Variants in ENTPD6 observed in about 807,000 individuals in gnomAD.
ENTPD6 encodes the protein CD39 antigen-like 2.
ENTPD6 carries 46 observed loss-of-function variants against 61.5 expected under a neutral mutation model. That is an observed-to-expected ratio of 0.75 (90% CI 0.59 to 0.96). The LOEUF (loss-of-function observed/expected upper bound fraction) is 0.96, where lower values mean the gene tolerates loss of function less well. Among genes scored for constraint, ENTPD6 ranks in the 40% least tolerant of loss-of-function variants. The pLI is 0.00. For synonymous variants in ENTPD6, 252 were observed against 255.5 expected, an observed-to-expected ratio of 0.99 and a Z score of 0.13; for missense variants, 612 against 629.0, an observed-to-expected ratio of 0.97 and a Z score of 0.29.
rs2092220504 is a variant in ENTPD6 at position 25,214,816 on chromosome 20, T to C, written c.598-51T>C. On this transcript the variant is annotated intron_variant, in intron 5 of 14. Coordinates refer to ENST00000376652, the MANE Select transcript of ENTPD6 (RefSeq NM_001247.5). ...AGCTAGCTAGCTAAATAAATAAATA[T>C]ATTCATTCATTCATTCTAAAGGATG... The C allele has an allele frequency of 3.7e-6, 4 of 1,092,870 alleles. No individual in the cohort carries two copies. The East Asian group carries it at 9.5e-5, about 26-fold the overall frequency. The allele number at this position is 1,092,870 out of a possible 1,614,324, so 67.7% of individuals were successfully genotyped here. A position where few individuals can be genotyped will look rare whatever the true frequency, so the allele number is the denominator to read the frequency against.
intron 12 of ENTPD6, 60 bp downstream of exon 12, chr20:25,223,038 G>T: frequency 6.5e-7 from 1 of 1,539,874 alleles, no homozygotes. Context: ...GGGGGTGGAG[G>T]GCGTGTGCTC....
chr20:25,220,124 G>A (rs1248520587), intron 10 of ENTPD6, among the ~76,000 whole-genome samples: 1 of 152,128 alleles, frequency 6.6e-6, no homozygotes, highest in African/African-American at 2.4e-5. Context: ...AGACATTTGG[G>A]GGCTGTGAGG....
Position 25,218,025 on chromosome 20 carries a change from T to C in ENTPD6, c.878+444T>C, listed in dbSNP as rs578143858. 2.3e-4 allele frequency among the ~76,000 whole-genome samples: 34 copies of C among 145,206 alleles called. No individual in the cohort carries two copies. In the East Asian group the frequency reaches 3.6e-3, roughly 15 times the overall value. ...TCCTCCTCCTTCATCCTTTAATGTG[T>C]CTACAGTATACGCACATTCACCCAG... is the stretch of plus-strand genomic sequence containing the variant. On this transcript the variant is annotated intron_variant, in intron 9 of 14. Transcript: ENST00000376652.
intron 8 of ENTPD6, 28 bp downstream of exon 8, chr20:25,216,764 C>T: frequency 6.6e-7 from 1 of 1,519,544 alleles, no homozygotes; most frequent in Non-Finnish European, 8.9e-7. Flanking sequence ...CCACAGCGCT[C>T]TTTCCACCCC....
intron 5 of ENTPD6, chr20:25,214,574 C>G (rs1568629660): frequency 5.6e-6 from 2 of 354,820 alleles, no homozygotes; most frequent in African/African-American, 4.2e-5. Context: ...GGTGGATTAA[C>G]TTGCAATGGA....
chr20:25,209,987 C>T (rs903187943), intron 4 of ENTPD6, 62 bp downstream of exon 4: 2 of 1,404,318 alleles, frequency 1.4e-6, no homozygotes, highest in African/African-American at 2.8e-5. Flanking sequence ...CAGTTCTTTT[C>T]CTTTGAATGT....
chr20:25,201,324 C>A (rs989139481), intron 1 of ENTPD6, among the ~76,000 whole-genome samples: 2 of 151,814 alleles, frequency 1.3e-5, no homozygotes, highest in African/African-American at 4.8e-5. Context: ...TCTAATTTTT[C>A]TGTCCATTAT....
At chr20:25,196,564 G>T (rs2090442303) in intron 1 of ENTPD6, among the ~76,000 whole-genome samples, 1 of 152,174 alleles carries the variant, frequency 6.6e-6, no homozygotes, top group South Asian at 2.1e-4. Flanking sequence ...GGAAGCAGCC[G>T]CCGGGAAGTG....
Position 25,225,591 on chromosome 20 carries a change from C to T in ENTPD6, c.1449C>T (p.Ala483=). ...IDSLNRQKSP[A]S ...CCCTGAACAGACAGAAGAGTCCAGC[C>T]TCATAGTGGCCGAGCCATCCCTGTC... Residue 483 remains alanine, a synonymous_variant, in exon 15 of 15, where the codon GCC becomes GCT. Coordinates refer to ENST00000376652, the MANE Select transcript of ENTPD6 (RefSeq NM_001247.5). 1 of 1,613,588 alleles carries T rather than the reference C, an allele frequency of 6.2e-7. No homozygotes were observed. The highest frequency in any genetic ancestry group is 8.5e-7 in the Non-Finnish European group (1 of 1,179,596).
intron 10 of ENTPD6, 133 bp downstream of exon 10, chr20:25,218,747 C>CT: frequency 1.1e-6 from 1 of 902,144 alleles, no homozygotes; most frequent in Non-Finnish European, 1.6e-6. Context: ...CACCCCACTG[C>CT]TGTCCCGCTG....
chr20:25,208,882 A>G (rs964616097), intron 3 of ENTPD6, among the ~76,000 whole-genome samples: 2 of 152,126 alleles, frequency 1.3e-5, no homozygotes, highest in Non-Finnish European at 2.9e-5. Flanking sequence ...TTGTGTGTAA[A>G]TTATCTTCAG....
intron 3 of ENTPD6, 25 bp downstream of exon 3, chr20:25,207,422 C>T (rs1245753294): frequency 2.0e-6 from 3 of 1,508,310 alleles, no homozygotes; most frequent in East Asian, 2.3e-5. Context: ...TGGCAGGGCT[C>T]TCGGGATCTC....
At chr20:25,217,306 T>C (rs561399708) in intron 8 of ENTPD6, among the ~76,000 whole-genome samples, 196 bp from the exon 9 acceptor site, 1 of 152,154 alleles carries the variant, frequency 6.6e-6, no homozygotes, top group Non-Finnish European at 1.5e-5. Context: ...AGGTTGCCTG[T>C]GGGAACGAAG....
At chr20:25,221,838 T>G in intron 11 of ENTPD6, 1 of 241,670 alleles carries the variant, frequency 4.1e-6, no homozygotes, top group Non-Finnish European at 8.2e-6. Context: ...GAGGGGTGCA[T>G]GCCTTCGCGA....
intron 6 of ENTPD6, 23 bp downstream of exon 6, chr20:25,214,965 GT>G: frequency 6.5e-7 from 1 of 1,527,146 alleles, no homozygotes; most frequent in East Asian, 2.2e-5. Flanking sequence ...AAGCACCTCT[GT>G]ACAGTGGGGC....
chr20:25,206,378 G>GGA, intron 1 of ENTPD6, 144 bp from the exon 2 acceptor site: 1 of 634,068 alleles, frequency 1.6e-6, no homozygotes, highest in Non-Finnish European at 2.8e-6. Flanking sequence ...GCCTCGCACT[G>GGA]GAGCAGCCAA....
intron 3 of ENTPD6, among the ~76,000 whole-genome samples, 182 bp downstream of exon 3, chr20:25,207,579 C>A (rs1217716106): frequency 2.0e-5 from 3 of 152,210 alleles, no homozygotes; most frequent in Non-Finnish European, 1.5e-5. Context: ...CACTCTTACA[C>A]TAGTGAGTGG....
At chr20:25,216,028 C>T (rs1436589288) in intron 7 of ENTPD6, among the ~76,000 whole-genome samples, 1 of 152,208 alleles carries the variant, frequency 6.6e-6, no homozygotes, top group Admixed American at 6.5e-5. Flanking sequence ...CGAATCAAAC[C>T]AGTCATATCT....
intron 12 of ENTPD6, 34 bp downstream of exon 12, chr20:25,223,012 C>A: frequency 1.9e-6 from 1 of 529,388 alleles, no homozygotes. Context: ...GCAGGAAGGT[C>A]GGGGCGGCAG....
Sources: gnomAD v4.1 joint callset for allele counts (sites outside exome capture counted in the v4.1 genomes callset) on GRCh38, gnomAD v4.1.1 for gene constraint, MANE v1.5 for transcripts, NCBI Gene and HGNC (gene_info 2026-07-23, HGNC 2026-07-21) for gene names.